RIMKLA: variants seen among roughly 807,000 people sequenced by gnomAD.
RIMKLA encodes ribosomal modification protein rimK like family member A, also known as N-acetylaspartylglutamate synthase A.
RIMKLA carries 14 observed loss-of-function variants against 32.7 expected under a neutral mutation model. The observed-to-expected ratio is 0.43, with a 90% CI of 0.28 to 0.67. The LOEUF (loss-of-function observed/expected upper bound fraction) is 0.67, where lower values mean the gene tolerates loss of function less well. Among genes scored for constraint, RIMKLA ranks in the 30% least tolerant of loss-of-function variants. The pLI, the probability that RIMKLA is intolerant of heterozygous loss-of-function variation, is 0.18. For synonymous variants in RIMKLA, 176 were observed against 204.1 expected, an observed-to-expected ratio of 0.86 and a Z score of 1.18; for missense variants, 410 against 519.0, an observed-to-expected ratio of 0.79 and a Z score of 2.04.
chr1:42,386,880 C>CAAATAAATAAAT (rs151298858), intron 1 of RIMKLA, among the ~76,000 whole-genome samples: 2,806 of 121,066 alleles, frequency 0.023, 56 homozygotes, highest in African/African-American at 0.032. Flanking sequence ...GACTCCATCT[C>CAAATAAATAAAT]AAATAAATAA....
chr1:42,395,614 A>G (rs1029874289), intron 1 of RIMKLA, among the ~76,000 whole-genome samples: 1 of 152,158 alleles, frequency 6.6e-6, no homozygotes, highest in African/African-American at 2.4e-5. Flanking sequence ...GATATCCTGC[A>G]TCAGCTCTTC....
In RIMKLA at chr1:42,420,330, C is replaced by T. The variant is rs148009698; in HGVS notation, c.*5356C>T. 3 of 152,286 alleles carry T rather than the reference C, an allele frequency of 2.0e-5. No individual in the cohort carries two copies. The highest frequency in any genetic ancestry group is 4.8e-5 in the African/African-American group (2 of 41,526). 9.4% of individuals were successfully genotyped at this position (152,286 alleles called of 1,614,324 possible). ...AATTCAAGCGAGTGAGTGTGTGTGC[C>T]TGCGTGTGTCTCAGTGACGTGGGAA... On this transcript the variant is annotated 3_prime_UTR_variant, in exon 5 of 5. Transcript: ENST00000431473.
In RIMKLA at chr1:42,417,745, C is replaced by G. The variant is rs921398597; in HGVS notation, c.*2771C>G. On this transcript the variant is annotated 3_prime_UTR_variant, in exon 5 of 5. Transcript: ENST00000431473. ...GGCCGAGGCGGGTGGATCATGAGGT[C>G]AGGAGATTGAGACCATTCTGGCTAA... 1.3e-5 allele frequency: 2 copies of G among 152,230 alleles called. No homozygotes were observed. The highest frequency in any genetic ancestry group is 4.8e-5 in the African/African-American group (2 of 41,424). The allele number at this position is 152,230 out of a possible 1,614,324, so 9.4% of individuals were successfully genotyped here.
intron 3 of RIMKLA, among the ~76,000 whole-genome samples, chr1:42,408,992 G>A (rs1643173170): frequency 6.6e-6 from 1 of 151,830 alleles, no homozygotes; most frequent in South Asian, 2.1e-4. Context: ...CAGATCACTT[G>A]AGGCCAGGAG....
intron 2 of RIMKLA, among the ~76,000 whole-genome samples, chr1:42,402,314 G>A (rs547893697): frequency 2.0e-5 from 3 of 152,176 alleles, no homozygotes; most frequent in African/African-American, 4.8e-5. Flanking sequence ...CTAAGCAGAT[G>A]ACCTTAAGAT....
rs185577766 is a variant in RIMKLA, at chr1:42,382,995, T to G, written c.163+1898T>G. Among the ~76,000 whole-genome samples, 478 of 152,008 alleles carry G rather than the reference T, an allele frequency of 3.1e-3. 1 individual carries two copies. Among genetic ancestry groups the G allele is most frequent in the Admixed American group, 5.8e-3 (89 of 15,260 alleles). ...GTCTCAGCCTCCTGAGTAGCTGGGATTACAGGCATGTGCCACTACTTTTTT... is the reference window on the plus strand; with the variant it reads ...GTCTCAGCCTCCTGAGTAGCTGGGAGTACAGGCATGTGCCACTACTTTTTT... On this transcript the variant is annotated intron_variant, in intron 1 of 4. Coordinates refer to ENST00000431473, the MANE Select transcript of RIMKLA (RefSeq NM_173642.4).
chr1:42,385,787 GTTTC>G (rs140859443), intron 1 of RIMKLA, among the ~76,000 whole-genome samples: 2 of 85,018 alleles, frequency 2.4e-5, no homozygotes, highest in African/African-American at 3.9e-5. Context: ...TTGTTTGTTT[GTTTC>G]TTTCTTTCTC....
chr1:42,381,056 T>C lies in RIMKLA; in HGVS notation c.122T>C (p.Leu41Pro). 7.6e-7 allele frequency: 1 copy of C among 1,314,136 alleles called. No individual in the cohort carries two copies. The highest frequency in any genetic ancestry group is 9.7e-7 in the Non-Finnish European group (1 of 1,027,050). The allele number at this position is 1,314,136 out of a possible 1,614,324, so 81.4% of individuals were successfully genotyped here. A position where few individuals can be genotyped will look rare whatever the true frequency, so the allele number is the denominator to read the frequency against. Residue 41 changes from leucine to proline, a missense_variant, in exon 1 of 5, where the codon CTT (leucine) becomes CCT (proline). Physicochemically the swap from Leu to Pro is moderately conservative, Grantham distance 98. Transcript: ENST00000431473. ...SEQDVRFRAV[L>P]MDQIAVTIVG... ...CAGGACGTGCGCTTCCGGGCGGTGC[T>C]TATGGACCAGATCGCCGTCACCATC...
intron 1 of RIMKLA, 77 bp downstream of exon 1, chr1:42,381,174 G>C (rs895713447): frequency 6.2e-6 from 7 of 1,120,590 alleles, no homozygotes; most frequent in Non-Finnish European, 7.9e-6. Flanking sequence ...CGCGCTCGCC[G>C]GGCCTCCCGC....
At chr1:42,384,581 A>G (rs1467082621) in intron 1 of RIMKLA, among the ~76,000 whole-genome samples, 9 of 144,328 alleles carry the variant, frequency 6.2e-5, no homozygotes, top group Non-Finnish European at 9.0e-5. Flanking sequence ...ATGTGTATAT[A>G]TGTGTGTATA....
At position 42,416,792 on chromosome 1, in the gene RIMKLA, T is replaced by C. The variant is rs890826257; in HGVS notation, c.*1818T>C. On this transcript the variant is annotated 3_prime_UTR_variant, in exon 5 of 5. Transcript: ENST00000431473. Reference sequence around the variant, plus strand: ...TAAATAGAAATTGGCTTTTAAAGTATTGTAGTTAAAACCAGATCTCACCAA... The same window carrying C: ...TAAATAGAAATTGGCTTTTAAAGTACTGTAGTTAAAACCAGATCTCACCAA... 1 of 152,240 alleles carries C rather than the reference T, an allele frequency of 6.6e-6. No homozygotes were observed. The highest frequency in any genetic ancestry group is 1.9e-4 in the East Asian group (1 of 5,204). The allele number at this position is 152,240 out of a possible 1,614,324, so 9.4% of individuals were successfully genotyped here.
chr1:42,401,380 G>T (rs57803008), intron 2 of RIMKLA, among the ~76,000 whole-genome samples: 6,730 of 146,448 alleles, frequency 0.046, 456 homozygotes, highest in African/African-American at 0.15. Flanking sequence ...TTGAGCCCAG[G>T]AGTTCAAAGC....
At chr1:42,395,135 T>C (rs1009560422) in intron 1 of RIMKLA, among the ~76,000 whole-genome samples, 9 of 152,192 alleles carry the variant, frequency 5.9e-5, no homozygotes, top group African/African-American at 2.2e-4. Context: ...TTTTAATACA[T>C]CAAAATATTT....
In RIMKLA at chr1:42,421,910, T is replaced by C. The variant is rs1391450267; in HGVS notation, c.*6936T>C. 6.6e-6 allele frequency: 1 copy of C among 152,254 alleles called. No homozygotes were observed. The highest frequency in any genetic ancestry group is 1.5e-5 in the Non-Finnish European group (1 of 68,052). The allele number at this position is 152,254 out of a possible 1,614,324, so 9.4% of individuals were successfully genotyped here. On this transcript the variant is annotated 3_prime_UTR_variant, in exon 5 of 5. Transcript: ENST00000431473. The surrounding 1 kb of genome is among the most constrained non-coding windows in gnomAD (Gnocchi z 4.6). Reference sequence around the variant, plus strand: ...ACTGACATCTATTGTATTGGTATGGTGTGCTACAATATAATGGCGTGCTAT... The same window carrying C: ...ACTGACATCTATTGTATTGGTATGGCGTGCTACAATATAATGGCGTGCTAT...
At chr1:42,386,434 C>T (rs1457893864) in intron 1 of RIMKLA, among the ~76,000 whole-genome samples, 4 of 152,018 alleles carry the variant, frequency 2.6e-5, no homozygotes. Flanking sequence ...TCACTCCAGC[C>T]GCTTCCCTGG....
chr1:42,414,375 A>C, intron 4 of RIMKLA, 109 bp from the exon 5 acceptor site: 2 of 1,146,044 alleles, frequency 1.7e-6, no homozygotes, highest in Non-Finnish European at 2.5e-6. Flanking sequence ...TTTTGTGATT[A>C]ATGATCGAGC....
At chr1:42,391,591 G>A (rs893355293) in intron 1 of RIMKLA, among the ~76,000 whole-genome samples, 4 of 152,126 alleles carry the variant, frequency 2.6e-5, no homozygotes, top group Non-Finnish European at 4.4e-5. Flanking sequence ...AAAAGGTTGA[G>A]GATAAGGGAA....
At chr1:42,384,627 TG>T (rs1642921344) in intron 1 of RIMKLA, among the ~76,000 whole-genome samples, 1 of 31,058 alleles carries the variant, frequency 3.2e-5, no homozygotes, top group Non-Finnish European at 7.4e-5. Flanking sequence ...ACTATATATG[TG>T]TGTGTGTATA....
At position 42,414,653 on chromosome 1, in the gene RIMKLA, GGCAT is replaced by G; in HGVS notation, c.859_862del (p.Cys287ThrfsTer2). 2 of 1,614,202 alleles carry G rather than the reference GGCAT, an allele frequency of 1.2e-6. No individual in the cohort carries two copies. The highest frequency in any genetic ancestry group is 1.7e-6 in the Non-Finnish European group (2 of 1,180,030). On this transcript the variant is annotated frameshift_variant, in exon 5 of 5. Transcript: ENST00000431473. LOFTEE classifies it high-confidence loss of function. Reference sequence around the variant, plus strand: ...ATGTTGGCTTCCTAGCCTTTGACCAGGCATGCAACTTAGATGTGGGTGGGATCAT... The same window carrying G: ...ATGTTGGCTTCCTAGCCTTTGACCAGGCAACTTAGATGTGGGTGGGATCAT...
Sources: allele counts gnomAD v4.1 joint callset (sites outside exome capture counted in the v4.1 genomes callset), GRCh38; gene constraint gnomAD v4.1.1; non-coding constraint Gnocchi (gnomAD v3.1); transcripts MANE v1.5; gene names NCBI Gene and HGNC (gene_info 2026-07-23, HGNC 2026-07-21).